ARHGAP10: variants seen among roughly 807,000 people sequenced by gnomAD.
The protein encoded by ARHGAP10 is Rho GTPase activating protein 10, also known as rho GTPase-activating protein 10.
Under a neutral mutation model 108.6 loss-of-function variants are expected in ARHGAP10, and 87 were observed. That is an observed-to-expected ratio of 0.80 (90% CI 0.67 to 0.96). The LOEUF (loss-of-function observed/expected upper bound fraction) is 0.96, where lower values mean the gene tolerates loss of function less well. Ranked by LOEUF, ARHGAP10 falls within the 40% of genes least tolerant of loss-of-function variation. The pLI is 0.00. For synonymous variants in ARHGAP10, 347 were observed against 341.1 expected, an observed-to-expected ratio of 1.02 and a Z score of -0.19; for missense variants, 939 against 954.5, an observed-to-expected ratio of 0.98 and a Z score of 0.21.
chr4:147,732,437 C>T lies in ARHGAP10; in HGVS notation c.136C>T (p.Leu46Phe). ...AGAGCTCATTAAGGACGGGAAGAAC[C>T]TCATCGCTGCGACGAAAAGTAAGCG... is the stretch of plus-strand genomic sequence containing the variant. The part of the protein sequence containing the change: ...IKELIKDGKN[L>F]IAATKSLSVA... The change falls in exon 1 of 23, where the codon CTC (leucine) becomes TTC (phenylalanine). Residue 46 changes from leucine (L) to phenylalanine (F), a missense_variant. Transcript: ENST00000336498. 2.5e-6 allele frequency: 4 copies of T among 1,612,338 alleles called. No individual in the cohort carries two copies. The highest frequency in any genetic ancestry group is 3.4e-6 in the Non-Finnish European group (4 of 1,179,146).
chr4:148,057,200 A>G (rs1729403402), intron 20 of ARHGAP10, among the ~76,000 whole-genome samples: 1 of 152,242 alleles, frequency 6.6e-6, no homozygotes, highest in African/African-American at 2.4e-5. Context: ...TCAGCCAACA[A>G]TGATAGTGCC....
At chr4:148,037,275 G>A (rs535844262) in intron 19 of ARHGAP10, among the ~76,000 whole-genome samples, 17 of 152,322 alleles carry the variant, frequency 1.1e-4, no homozygotes, top group African/African-American at 4.1e-4. Flanking sequence ...ATGACAAACT[G>A]CTGCCCCAGT....
At chr4:147,847,092 AT>A in intron 3 of ARHGAP10, 58 bp from the exon 4 acceptor site, 3 of 1,428,268 alleles carry the variant, frequency 2.1e-6, no homozygotes, top group Non-Finnish European at 2.9e-6. Context: ...TGAAATACTA[AT>A]TTTTTCCTTT....
intron 13 of ARHGAP10, among the ~76,000 whole-genome samples, chr4:147,925,444 G>A (rs938162491): frequency 4.6e-5 from 7 of 152,146 alleles, no homozygotes; most frequent in African/African-American, 1.7e-4. Context: ...ATTTATTGTA[G>A]TAAAATTTTG....
At chr4:147,840,904 A>C (rs904831095) in intron 3 of ARHGAP10, among the ~76,000 whole-genome samples, 1 of 152,234 alleles carries the variant, frequency 6.6e-6, no homozygotes, top group African/African-American at 2.4e-5. Flanking sequence ...ATACAAGATA[A>C]GCGTAAGAGC....
At chr4:147,868,051 A>G (rs1734641610) in intron 7 of ARHGAP10, among the ~76,000 whole-genome samples, 1 of 151,852 alleles carries the variant, frequency 6.6e-6, no homozygotes, top group African/African-American at 2.4e-5. Context: ...CTAATGATAG[A>G]GTTCTGGAGT....
chr4:147,817,210 T>C (rs1013338330), intron 1 of ARHGAP10, among the ~76,000 whole-genome samples: 9 of 152,170 alleles, frequency 5.9e-5, no homozygotes, highest in Non-Finnish European at 1.3e-4. Flanking sequence ...TCCCCATTAG[T>C]GCTTTCGTTG....
chr4:147,938,168 T>C (rs1410760396), intron 13 of ARHGAP10, among the ~76,000 whole-genome samples: 2 of 151,970 alleles, frequency 1.3e-5, no homozygotes, highest in Non-Finnish European at 2.9e-5. Context: ...TGATGAGAAC[T>C]CGTGGACACA....
intron 1 of ARHGAP10, among the ~76,000 whole-genome samples, chr4:147,764,930 A>G (rs773391495): frequency 6.6e-6 from 1 of 152,226 alleles, no homozygotes; most frequent in East Asian, 1.9e-4. Context: ...TTTAAAAGTA[A>G]TATTTTGGGC....
At chr4:147,905,950 T>C (rs1736470136) in intron 10 of ARHGAP10, among the ~76,000 whole-genome samples, 1 of 152,230 alleles carries the variant, frequency 6.6e-6, no homozygotes, top group Admixed American at 6.5e-5. Context: ...GTCCTTCACG[T>C]TCCTTGTAAG....
chr4:148,018,752 TA>T (rs1274967525), intron 18 of ARHGAP10, among the ~76,000 whole-genome samples: 1 of 152,214 alleles, frequency 6.6e-6, no homozygotes, highest in Non-Finnish European at 1.5e-5. Flanking sequence ...CCCTAAGAAT[TA>T]AATGTTGTTT....
chr4:147,790,606 A>T (rs1305078695), intron 1 of ARHGAP10, among the ~76,000 whole-genome samples: 2 of 152,214 alleles, frequency 1.3e-5, no homozygotes, highest in Non-Finnish European at 2.9e-5. Flanking sequence ...AGCACCTCTT[A>T]TGAGTCAGGC....
intron 20 of ARHGAP10, among the ~76,000 whole-genome samples, chr4:148,051,503 C>T (rs1729137884): frequency 6.6e-6 from 1 of 152,150 alleles, no homozygotes; most frequent in Non-Finnish European, 1.5e-5. Flanking sequence ...CTACAGATTT[C>T]AAATGAAAAG....
intron 12 of ARHGAP10, among the ~76,000 whole-genome samples, chr4:147,910,244 A>G (rs1243329730): frequency 6.6e-6 from 1 of 151,984 alleles, no homozygotes; most frequent in Admixed American, 6.6e-5. Flanking sequence ...GCTGGTCTCA[A>G]ACTCCTGGGG....
chr4:147,981,139 T>G (rs187098156), intron 18 of ARHGAP10, among the ~76,000 whole-genome samples: 104 of 152,336 alleles, frequency 6.8e-4, no homozygotes, highest in Non-Finnish European at 1.2e-3. Context: ...TCTGGTTTCT[T>G]TAGGTACAAG....
intron 18 of ARHGAP10, among the ~76,000 whole-genome samples, chr4:148,021,088 C>T (rs781087346): frequency 2.2e-4 from 34 of 152,190 alleles, no homozygotes; most frequent in Non-Finnish European, 4.4e-4. Context: ...GTTACTCATT[C>T]CCAGATATTC....
chr4:147,826,326 C>T (rs1732706513), intron 3 of ARHGAP10, among the ~76,000 whole-genome samples: 2 of 152,132 alleles, frequency 1.3e-5, no homozygotes, highest in Non-Finnish European at 2.9e-5. Context: ...GGTTTAAGCT[C>T]CAGCTGTGAT....
intron 1 of ARHGAP10, among the ~76,000 whole-genome samples, chr4:147,783,805 TTA>T (rs1403900385): frequency 2.6e-5 from 1 of 38,750 alleles, no homozygotes; most frequent in Non-Finnish European, 3.0e-4. Flanking sequence ...TGTATTATAT[TTA>T]TATAACACAC....
intron 18 of ARHGAP10, among the ~76,000 whole-genome samples, chr4:147,989,093 G>T (rs1560861467): frequency 6.6e-6 from 1 of 152,220 alleles, no homozygotes; most frequent in Non-Finnish European, 1.5e-5. Context: ...AAATTTTAAA[G>T]CTGGGCGTCC....
Sources: allele counts gnomAD v4.1 joint callset (sites outside exome capture counted in the v4.1 genomes callset), GRCh38; gene constraint gnomAD v4.1.1; transcripts MANE v1.5; gene names NCBI Gene and HGNC (gene_info 2026-07-23, HGNC 2026-07-21).